GMDS: variants seen among roughly 807,000 people sequenced by gnomAD.
The protein encoded by GMDS is GDP-mannose 4,6-dehydratase, also known as GDP-mannose 4,6 dehydratase.
A neutral mutation model predicts 49.9 loss-of-function variants in GMDS; 20 were observed. That is an observed-to-expected ratio of 0.40 (90% CI 0.28 to 0.58). GMDS has a LOEUF of 0.58. GMDS is among the 20% of genes least tolerant of loss of function. GMDS has a pLI of 0.42. For missense variants in GMDS, 362 were observed against 481.4 expected (o/e 0.75, Z 2.32); for synonymous variants, 177 against 178.6 (o/e 0.99, Z 0.07).
In GMDS at chr6:1,987,531, C is replaced by T. The variant is rs144579144; in HGVS notation, c.346-26565G>A. ...ACTGTTCTAGGCACCAGGACACAAT[C>T]GTGAAGGGAACAAGCAAAAATCCCT... On this transcript the variant is annotated intron_variant, in intron 4 of 10. Transcript: ENST00000380815. Among the ~76,000 whole-genome samples, 741 of 152,190 alleles carry T rather than the reference C, an allele frequency of 4.9e-3. 2 individuals are homozygous for T. The highest frequency in any genetic ancestry group is 7.4e-3 in the Non-Finnish European group (504 of 68,014).
At chr6:2,141,334 C>T (rs1304564404) in intron 1 of GMDS, among the ~76,000 whole-genome samples, 1 of 152,138 alleles carries the variant, frequency 6.6e-6, no homozygotes, top group Non-Finnish European at 1.5e-5. Flanking sequence ...TGACCAGCTT[C>T]CACAAGTCTA....
intron 1 of GMDS, among the ~76,000 whole-genome samples, chr6:2,184,884 C>A (rs961473846): frequency 1.3e-5 from 2 of 152,144 alleles, no homozygotes; most frequent in Non-Finnish European, 2.9e-5. Context: ...TGACATTGCT[C>A]CAGTGTGCCA....
chr6:2,038,013 C>T (rs1171254652), intron 4 of GMDS, among the ~76,000 whole-genome samples: 2 of 152,306 alleles, frequency 1.3e-5, no homozygotes, highest in Non-Finnish European at 2.9e-5. Flanking sequence ...TGCCTTGGTA[C>T]ACCATACTTT....
chr6:1,920,748 G>A (rs1379551295), intron 7 of GMDS, among the ~76,000 whole-genome samples: 4 of 152,202 alleles, frequency 2.6e-5, no homozygotes, highest in Non-Finnish European at 5.9e-5. Context: ...AGACGTCAGT[G>A]AAAGAAGAGA....
At chr6:1,767,777 C>T (rs1311131365) in intron 7 of GMDS, among the ~76,000 whole-genome samples, 2 of 152,310 alleles carry the variant, frequency 1.3e-5, no homozygotes, top group South Asian at 2.1e-4. Flanking sequence ...CCCCGGAGGG[C>T]ACTGCCTAAC....
chr6:2,108,354 G>C (rs371864979), intron 4 of GMDS, among the ~76,000 whole-genome samples: 31 of 152,112 alleles, frequency 2.0e-4, no homozygotes, highest in Admixed American at 7.9e-4. Context: ...AACCACCATG[G>C]TGTAGATATT....
intron 1 of GMDS, among the ~76,000 whole-genome samples, chr6:2,205,709 AC>A (rs1269407762): frequency 6.6e-6 from 1 of 150,464 alleles, no homozygotes; most frequent in Non-Finnish European, 1.5e-5. Context: ...TCTTCCATCT[AC>A]CCCCACAGAT....
At chr6:1,912,662 AC>A (rs1180696891) in intron 7 of GMDS, among the ~76,000 whole-genome samples, 1 of 152,210 alleles carries the variant, frequency 6.6e-6, no homozygotes, top group Non-Finnish European at 1.5e-5. Flanking sequence ...ATGTGCACAG[AC>A]CAAAAACAGA....
intron 1 of GMDS, among the ~76,000 whole-genome samples, chr6:2,181,332 A>G (rs1354476759): frequency 6.6e-6 from 1 of 152,172 alleles, no homozygotes; most frequent in Non-Finnish European, 1.5e-5. Flanking sequence ...GACAGATGGC[A>G]TCTGTATTCA....
At chr6:2,146,756 T>C (rs1223121015) in intron 1 of GMDS, among the ~76,000 whole-genome samples, 1 of 152,222 alleles carries the variant, frequency 6.6e-6, no homozygotes, top group Non-Finnish European at 1.5e-5. Flanking sequence ...AATCAGTTCC[T>C]GAAGGGGTAT....
intron 4 of GMDS, among the ~76,000 whole-genome samples, chr6:2,006,357 T>C (rs1463188383): frequency 2.6e-5 from 4 of 151,648 alleles, no homozygotes; most frequent in African/African-American, 9.7e-5. Flanking sequence ...GAGCCTAGGA[T>C]ATTGACGTTG....
chr6:1,806,756 C>T (rs947576999), intron 7 of GMDS, among the ~76,000 whole-genome samples: 2 of 152,062 alleles, frequency 1.3e-5, no homozygotes, highest in East Asian at 3.9e-4. Context: ...TTTATTTAAG[C>T]CATGGTTACC....
At chr6:2,014,240 T>C (rs1052301346) in intron 4 of GMDS, among the ~76,000 whole-genome samples, 2 of 149,386 alleles carry the variant, frequency 1.3e-5, no homozygotes, top group African/African-American at 2.5e-5. Context: ...GAAAATTATA[T>C]AGGTCAAAAA....
chr6:2,232,765 G>A (rs1781169402), intron 1 of GMDS, among the ~76,000 whole-genome samples: 2 of 152,114 alleles, frequency 1.3e-5, no homozygotes, highest in Admixed American at 6.5e-5. Context: ...CAGCACCAGC[G>A]CCGGTGCAGG....
At position 1,635,586 on chromosome 6, in the gene GMDS, C is replaced by T. The variant is rs1392790630; in HGVS notation, c.988-11046G>A. Among the ~76,000 whole-genome samples the T allele has an allele frequency of 6.6e-6, 1 of 152,154 alleles. No homozygotes were observed. The highest frequency in any genetic ancestry group is 1.9e-4 in the East Asian group (1 of 5,192). On this transcript the variant is annotated intron_variant, in intron 9 of 10. Transcript: ENST00000380815. This position sits in a 1 kb window ranked among gnomAD's most constrained non-coding sequence, Gnocchi z 4.7. The stretch of plus-strand genomic sequence containing the variant: ...GGACTCCGAGGGCGACACTGTGCGG[C>T]GACCCTTGGCAGGTGCTTTGTTTGC...
chr6:1,930,878 G>C (rs935641070), intron 6 of GMDS: 2 of 152,152 alleles, frequency 1.3e-5, no homozygotes, highest in Non-Finnish European at 2.9e-5. Context: ...TTAAGGCAAT[G>C]CCACTTTCCA....
chr6:2,210,177 T>C (rs1780001424), intron 1 of GMDS, among the ~76,000 whole-genome samples: 3 of 152,180 alleles, frequency 2.0e-5, no homozygotes, highest in Admixed American at 2.0e-4. Flanking sequence ...ACAGATTGCA[T>C]TTTAAGGATG....
intron 6 of GMDS, among the ~76,000 whole-genome samples, chr6:1,946,599 T>C (rs1763084820): frequency 1.3e-5 from 2 of 152,186 alleles, no homozygotes; most frequent in African/African-American, 4.8e-5. Context: ...CACTTCTCAA[T>C]AAGAATTTGT....
At chr6:1,722,596 C>T (rs1242856044) in intron 9 of GMDS, among the ~76,000 whole-genome samples, 4 of 152,152 alleles carry the variant, frequency 2.6e-5, no homozygotes, top group African/African-American at 9.7e-5. Flanking sequence ...GTTAATTCTC[C>T]AGTAATTCTT....
Sources: gnomAD v4.1 joint callset for allele counts (sites outside exome capture counted in the v4.1 genomes callset) on GRCh38, gnomAD v4.1.1 for gene constraint, Gnocchi (gnomAD v3.1) non-coding constraint, MANE v1.5 for transcripts, NCBI Gene and HGNC (gene_info 2026-07-23, HGNC 2026-07-21) for gene names.